Variants in EML1 observed in about 807,000 individuals in gnomAD.
EML1 encodes the protein echinoderm microtubule-associated protein-like 1.
EML1 carries 27 observed loss-of-function variants against 110.4 expected under a neutral mutation model. The observed-to-expected ratio is 0.24, with a 90% CI of 0.18 to 0.34. The LOEUF is 0.34. Among genes scored for constraint, EML1 ranks in the 10% least tolerant of loss-of-function variants. The probability of loss-of-function intolerance (pLI) is 1.00; values close to 1 mark genes in which losing one functional copy is unlikely to be tolerated. For missense variants in EML1, 741 were observed against 1,030.9 expected, an observed-to-expected ratio of 0.72 and a Z score of 3.85; for synonymous variants, 344 against 385.8, an observed-to-expected ratio of 0.89 and a Z score of 1.27.
chr14:99,826,105 A>ATTTTTTTTTTTTTTTT (rs71113225), intron 1 of EML1, among the ~76,000 whole-genome samples: 1 of 79,968 alleles, frequency 1.3e-5, no homozygotes, highest in African/African-American at 5.1e-5. Context: ...CTGTGCATTG[A>ATTTTTTTTTTTTTTTT]TTTTTTTTTT....
upstream of EML1, among the ~76,000 whole-genome samples, chr14:99,788,664 C>A (rs775756168): frequency 2.6e-5 from 4 of 151,984 alleles, no homozygotes; most frequent in African/African-American, 9.7e-5. Flanking sequence ...TGTACACACA[C>A]GACATAAAAG....
At chr14:99,807,649 C>T (rs1316135406) in intron 1 of EML1, among the ~76,000 whole-genome samples, 2 of 152,196 alleles carry the variant, frequency 1.3e-5, no homozygotes, top group African/African-American at 4.8e-5. Context: ...GGAAGAAACC[C>T]TGACCTCACT....
upstream of EML1, among the ~76,000 whole-genome samples, chr14:99,768,472 C>T (rs2057389379): frequency 6.6e-6 from 1 of 152,132 alleles, no homozygotes; most frequent in Non-Finnish European, 1.5e-5. Context: ...GGCGCAGAGA[C>T]ACAGAGCAGC....
chr14:99,930,435 G>C (rs918035433), intron 17 of EML1, among the ~76,000 whole-genome samples: 1 of 152,192 alleles, frequency 6.6e-6, no homozygotes, highest in Non-Finnish European at 1.5e-5. Context: ...GCGGGTGGGG[G>C]TTCTTTGGCA....
At chr14:99,889,813 G>A (rs1456149385) in intron 4 of EML1, among the ~76,000 whole-genome samples, 1 of 152,234 alleles carries the variant, frequency 6.6e-6, no homozygotes, top group African/African-American at 2.4e-5. Flanking sequence ...CAGGTTCAAA[G>A]GCTGTGCCAT....
chr14:99,893,442 G>A (rs866778341), intron 5 of EML1, among the ~76,000 whole-genome samples: 12 of 152,126 alleles, frequency 7.9e-5, no homozygotes, highest in African/African-American at 2.9e-4. Flanking sequence ...AGGGATGATC[G>A]CGTTCATGAC....
In EML1 at chr14:99,936,548, G is replaced by C. The variant is rs2060474823; in HGVS notation, c.2095+214G>C. The stretch of plus-strand genomic sequence containing the variant: ...CTGCTGACTGTGAGCCCCTATGGAG[G>C]AGAAGATCCAGGGCCTGCCCCAAGG... On this transcript the variant is annotated intron_variant, in intron 19 of 21. Coordinates refer to ENST00000262233, the MANE Select transcript of EML1 (RefSeq NM_004434.3). This position sits in a 1 kb window ranked among gnomAD's most constrained non-coding sequence, Gnocchi z 5.5. 6.6e-6 allele frequency among the ~76,000 whole-genome samples: 1 copy of C among 152,164 alleles called. No homozygotes were observed. The highest frequency in any genetic ancestry group is 2.4e-5 in the African/African-American group (1 of 41,442).
intron 1 of EML1, among the ~76,000 whole-genome samples, chr14:99,795,111 A>G (rs570661811): frequency 6.6e-6 from 1 of 152,336 alleles, no homozygotes; most frequent in Admixed American, 6.5e-5. Flanking sequence ...CTGTGGGCGT[A>G]TTATTGACAG....
intron 1 of EML1, among the ~76,000 whole-genome samples, chr14:99,775,575 AC>A (rs1333626550): frequency 6.6e-6 from 1 of 152,222 alleles, no homozygotes; most frequent in Non-Finnish European, 1.5e-5. Flanking sequence ...TTGATCTGGC[AC>A]CATGATGGCA....
intron 1 of EML1, among the ~76,000 whole-genome samples, chr14:99,825,428 G>A (rs1490959783): frequency 1.3e-5 from 2 of 152,122 alleles, no homozygotes. Flanking sequence ...ATAGATACCC[G>A]GTAGTGGGAT....
Position 99,880,596 on chromosome 14 carries a change from G to A in EML1, c.518+1977G>A, listed in dbSNP as rs370411266. Among the ~76,000 whole-genome samples, 33 of 152,260 alleles carry A rather than the reference G, an allele frequency of 2.2e-4. 2 individuals carry two copies. The highest frequency in any genetic ancestry group is 7.5e-4 in the African/African-American group (31 of 41,534). On this transcript the variant is annotated intron_variant, in intron 4 of 21. Coordinates refer to ENST00000262233, the MANE Select transcript of EML1 (RefSeq NM_004434.3). ...CAGTGGACTCAAGATGGCATGCCTC[G>A]TCCCCATCGCTCACTCGACATGTCC...
rs147839951 is a variant in EML1 at position 99,757,242 on chromosome 14, G to A, written c.28+19382G>A. On this transcript the variant is annotated intron_variant, in intron 1 of 10. Transcript: ENST00000554479. ...TCGTCGCAGCTACTCGGGAGGCTGA[G>A]ACAGGAGAATCACTTGAACCCGGGA... Among the ~76,000 whole-genome samples, 639 of 151,888 alleles carry A rather than the reference G, an allele frequency of 4.2e-3. 3 individuals carry two copies. The highest frequency in any genetic ancestry group is 0.015 in the African/African-American group (605 of 41,400).
At chr14:99,780,203 A>T (rs1326595747) in intron 1 of EML1, among the ~76,000 whole-genome samples, 2 of 152,054 alleles carry the variant, frequency 1.3e-5, no homozygotes, top group Non-Finnish European at 1.5e-5. Context: ...TACTTCCTAA[A>T]GGACCCATCT....
At chr14:99,825,076 A>G (rs1474654581) in intron 1 of EML1, among the ~76,000 whole-genome samples, 2 of 152,054 alleles carry the variant, frequency 1.3e-5, no homozygotes, top group Non-Finnish European at 2.9e-5. Flanking sequence ...CTCTGCCTCC[A>G]GGGTTCAAGT....
chr14:99,792,024 A>G (rs1481609713), upstream of EML1, among the ~76,000 whole-genome samples: 1 of 152,222 alleles, frequency 6.6e-6, no homozygotes, highest in Admixed American at 6.5e-5. Flanking sequence ...CTTCCCAATT[A>G]ACAATCCTGC....
chr14:99,757,451 C>T (rs1368615765), intron 1 of EML1, among the ~76,000 whole-genome samples: 3 of 152,156 alleles, frequency 2.0e-5, no homozygotes, highest in Admixed American at 6.5e-5. Flanking sequence ...TCGCGCATAC[C>T]GCTTGTGCAC....
rs535198678 is a variant in EML1, at chr14:99,862,342, T to G, written c.251-3172T>G. On this transcript the variant is annotated intron_variant, in intron 2 of 21. Transcript: ENST00000262233. ...TGGCTGAGGGGGTGTTGGTCAGGTC[T>G]CTCCACTGGAAAGTAACTTCTCCCC... 3.2e-4 allele frequency among the ~76,000 whole-genome samples: 48 copies of G among 152,276 alleles called. No homozygotes were observed. The South Asian group carries it at 9.3e-3, about 30-fold the overall frequency.
chr14:99,875,298 T>C (rs562159504), intron 3 of EML1, among the ~76,000 whole-genome samples: 138 of 152,274 alleles, frequency 9.1e-4, no homozygotes, highest in African/African-American at 3.0e-3. Flanking sequence ...CACTCCTGAA[T>C]TCGGTTCTTC....
chr14:99,793,436 G>GA lies in EML1; in HGVS notation c.-41_-40insA. On this transcript the variant is annotated 5_prime_UTR_variant, in exon 1 of 22. Transcript: ENST00000262233. ...TCAGTGTGTGGTGAGCGGCGGCGGC[G>GA]CGGCCGGGCCGGGGAGCGGGCGCGG... is the stretch of plus-strand genomic sequence containing the variant. 1.9e-6 allele frequency: 2 copies of GA among 1,033,022 alleles called. No individual in the cohort carries two copies. The allele number at this position is 1,033,022 out of a possible 1,614,324, so 64.0% of individuals were successfully genotyped here.
Sources: gnomAD v4.1 joint callset for allele counts (sites outside exome capture counted in the v4.1 genomes callset) on GRCh38, gnomAD v4.1.1 for gene constraint, Gnocchi (gnomAD v3.1) non-coding constraint, MANE v1.5 for transcripts, NCBI Gene and HGNC (gene_info 2026-07-23, HGNC 2026-07-21) for gene names.